EXOC4: variants seen among roughly 807,000 people sequenced by gnomAD.
The protein encoded by EXOC4 is exocyst complex component 4, also known as SEC8-like 1.
A neutral mutation model predicts 107.2 loss-of-function variants in EXOC4; 71 were observed. The observed-to-expected ratio is 0.66, with a 90% confidence interval of 0.55 to 0.81. The LOEUF (loss-of-function observed/expected upper bound fraction) is 0.81, where lower values mean the gene tolerates loss of function less well. EXOC4 is among the 30% of genes least tolerant of loss of function. The pLI, the probability that EXOC4 is intolerant of heterozygous loss-of-function variation, is 0.00. For synonymous variants in EXOC4, 456 were observed against 441.2 expected, an observed-to-expected ratio of 1.03 and a Z score of -0.42; for missense variants, 1,108 against 1,189.6, an observed-to-expected ratio of 0.93 and a Z score of 1.01.
chr7:133,751,720 A>T (rs1585121547), intron 10 of EXOC4, among the ~76,000 whole-genome samples: 1 of 152,112 alleles, frequency 6.6e-6, no homozygotes, highest in Non-Finnish European at 1.5e-5. Context: ...TAAAACTGTG[A>T]AACAGTTACA....
At chr7:133,296,040 A>G (rs986711047) in intron 3 of EXOC4, among the ~76,000 whole-genome samples, 1 of 152,158 alleles carries the variant, frequency 6.6e-6, no homozygotes, top group African/African-American at 2.4e-5. Flanking sequence ...TGAAATAGCC[A>G]TTACTAAAAC....
chr7:133,512,931 C>T (rs1172314602), intron 9 of EXOC4, among the ~76,000 whole-genome samples: 1 of 152,100 alleles, frequency 6.6e-6, no homozygotes, highest in Non-Finnish European at 1.5e-5. Flanking sequence ...TGTGGCAGAA[C>T]CCCGTCTCTA....
chr7:133,316,110 C>T (rs1467802672), intron 4 of EXOC4, among the ~76,000 whole-genome samples: 1 of 152,170 alleles, frequency 6.6e-6, no homozygotes, highest in Non-Finnish European at 1.5e-5. Context: ...TATCACTTAA[C>T]AAACTTTATT....
At chr7:134,017,813 G>A (rs1246172121) in intron 17 of EXOC4, among the ~76,000 whole-genome samples, 4 of 152,156 alleles carry the variant, frequency 2.6e-5, no homozygotes, top group Non-Finnish European at 5.9e-5. Flanking sequence ...GTGAGGCTTT[G>A]ATTAAGTAAG....
intron 17 of EXOC4, among the ~76,000 whole-genome samples, chr7:134,020,945 C>G (rs1379032398): frequency 6.6e-6 from 1 of 151,322 alleles, no homozygotes; most frequent in Non-Finnish European, 1.5e-5. Flanking sequence ...GAGATTGCAC[C>G]ACTGCACTCC....
At chr7:133,594,535 A>T (rs1229351993) in intron 9 of EXOC4, among the ~76,000 whole-genome samples, 3 of 112,506 alleles carry the variant, frequency 2.7e-5, no homozygotes, top group South Asian at 5.9e-4. Context: ...TCGCTCTTTC[A>T]CCAGGCTGGA....
chr7:133,865,666 C>A (rs1026322115), intron 11 of EXOC4, among the ~76,000 whole-genome samples: 1 of 152,138 alleles, frequency 6.6e-6, no homozygotes, highest in Non-Finnish European at 1.5e-5. Context: ...AGGAAACTTA[C>A]AACCATGACA....
chr7:133,990,800 C>T (rs1222147673), intron 14 of EXOC4, among the ~76,000 whole-genome samples: 2 of 152,216 alleles, frequency 1.3e-5, no homozygotes, highest in East Asian at 1.9e-4. Flanking sequence ...TTGTGTATAT[C>T]TACCACATTT....
At chr7:133,621,951 TTGTCTGTC>T (rs3045316) in intron 9 of EXOC4, among the ~76,000 whole-genome samples, 101 of 151,230 alleles carry the variant, frequency 6.7e-4, no homozygotes, top group Admixed American at 2.0e-3. Context: ...CTATTTTCTT[TTGTCTGTC>T]TGTCTGTCTG....
At chr7:133,823,891 TA>T (rs1563015055) in intron 11 of EXOC4, among the ~76,000 whole-genome samples, 6 of 22,134 alleles carry the variant, frequency 2.7e-4, no homozygotes, top group South Asian at 2.1e-3. Flanking sequence ...TATATATATA[TA>T]TTTTATATAT....
intron 17 of EXOC4, among the ~76,000 whole-genome samples, chr7:134,027,448 A>G (rs977973598): frequency 1.3e-5 from 2 of 152,128 alleles, no homozygotes; most frequent in Non-Finnish European, 2.9e-5. Context: ...TCGCAAGGTC[A>G]GGAGATCAAG....
intron 9 of EXOC4, among the ~76,000 whole-genome samples, chr7:133,565,923 G>A (rs1454865592): frequency 6.6e-6 from 1 of 152,122 alleles, no homozygotes; most frequent in African/African-American, 2.4e-5. Flanking sequence ...ACAAATAACT[G>A]TAGCAGAAGG....
chr7:133,943,506 T>C lies in EXOC4; in HGVS notation c.2206+5437T>C, dbSNP rs570624258. ...TAACCAGATAATTACAGCAGTGGAA[T>C]GTTTCTTAAACTTACTTTTCAGTGA... On this transcript the variant is annotated intron_variant, in intron 14 of 17. Coordinates refer to ENST00000253861, the MANE Select transcript of EXOC4 (RefSeq NM_021807.4). 2.0e-3 allele frequency among the ~76,000 whole-genome samples: 303 copies of C among 152,330 alleles called. 4 individuals are homozygous for C. The highest frequency in any genetic ancestry group is 7.0e-3 in the African/African-American group (292 of 41,588).
At chr7:133,506,472 A>T (rs1026507435) in intron 9 of EXOC4, among the ~76,000 whole-genome samples, 1 of 151,958 alleles carries the variant, frequency 6.6e-6, no homozygotes, top group African/African-American at 2.4e-5. Context: ...GGGATGCTTA[A>T]TTTTTTTGGT....
chr7:133,482,191 A>G (rs765177218), intron 9 of EXOC4, among the ~76,000 whole-genome samples: 31 of 152,224 alleles, frequency 2.0e-4, no homozygotes, highest in Non-Finnish European at 3.7e-4. Context: ...AAAAATTAAT[A>G]AACACTATCT....
chr7:133,371,242 T>C (rs114675194), intron 6 of EXOC4, among the ~76,000 whole-genome samples: 6,271 of 152,248 alleles, frequency 0.041, 442 homozygotes, highest in African/African-American at 0.14. Flanking sequence ...TAACAGCTAA[T>C]TGAGGTATAA....
At chr7:134,040,951 A>T (rs1450932235) in intron 17 of EXOC4, among the ~76,000 whole-genome samples, 1 of 152,182 alleles carries the variant, frequency 6.6e-6, no homozygotes, top group African/African-American at 2.4e-5. Context: ...TCCTTGGCTG[A>T]ACTGTGACAC....
intron 11 of EXOC4, among the ~76,000 whole-genome samples, chr7:133,832,024 A>G (rs1190981324): frequency 6.6e-6 from 1 of 152,194 alleles, no homozygotes; most frequent in Non-Finnish European, 1.5e-5. Context: ...GGAGTCTAGT[A>G]TACATGTGTA....
chr7:133,830,865 C>A (rs186117667), intron 11 of EXOC4, among the ~76,000 whole-genome samples: 1 of 152,102 alleles, frequency 6.6e-6, no homozygotes, highest in African/African-American at 2.4e-5. Context: ...TCTTGCTGTT[C>A]GGGATACCAC....
Sources: gnomAD v4.1 joint callset for allele counts (sites outside exome capture counted in the v4.1 genomes callset) on GRCh38, gnomAD v4.1.1 for gene constraint, MANE v1.5 for transcripts, NCBI Gene and HGNC (gene_info 2026-07-23, HGNC 2026-07-21) for gene names.